Variants in NCAM2 observed in about 807,000 individuals in gnomAD.
The protein encoded by NCAM2 is neural cell adhesion molecule 2.
NCAM2 carries 30 observed loss-of-function variants against 98.1 expected under a neutral mutation model. That is an observed-to-expected ratio of 0.31 (90% CI 0.23 to 0.41). The LOEUF is 0.41. NCAM2 is among the 10% of genes least tolerant of loss of function. The probability of loss-of-function intolerance (pLI) is 1.00; values close to 1 mark genes in which losing one functional copy is unlikely to be tolerated. For missense variants in NCAM2, 867 were observed against 1,005.8 expected (o/e 0.86, Z 1.87); for synonymous variants, 368 against 342.4 (o/e 1.07, Z -0.83).
chr21:21,516,594 G>GT (rs1267101326), intron 16 of NCAM2, among the ~76,000 whole-genome samples: 1 of 151,816 alleles, frequency 6.6e-6, no homozygotes, highest in Non-Finnish European at 1.5e-5. Flanking sequence ...GTATACCAGT[G>GT]TTTTTTTCTC....
intron 9 of NCAM2, among the ~76,000 whole-genome samples, chr21:21,401,959 T>G (rs1265668818): frequency 3.9e-5 from 6 of 152,188 alleles, no homozygotes; most frequent in Non-Finnish European, 8.8e-5. Flanking sequence ...TAATTTCTTA[T>G]GCCTGTCTTA....
intron 1 of NCAM2, among the ~76,000 whole-genome samples, chr21:21,271,264 T>G (rs2072486916): frequency 6.6e-6 from 1 of 152,212 alleles, no homozygotes; most frequent in South Asian, 2.1e-4. Context: ...TTAGCATGTA[T>G]TTTCTTCCAG....
At chr21:21,513,964 A>C (rs1278885770) in intron 16 of NCAM2, among the ~76,000 whole-genome samples, 1 of 151,914 alleles carries the variant, frequency 6.6e-6, no homozygotes, top group African/African-American at 2.4e-5. Flanking sequence ...ATCTATTTTT[A>C]CAGTCCTTAT....
chr21:21,509,213 G>C (rs1287109230), intron 16 of NCAM2, among the ~76,000 whole-genome samples, 158 bp downstream of exon 16: 2 of 152,032 alleles, frequency 1.3e-5, no homozygotes, highest in Non-Finnish European at 2.9e-5. Flanking sequence ...TTGAAACTAT[G>C]TATCCTTATA....
intron 16 of NCAM2, among the ~76,000 whole-genome samples, chr21:21,514,483 A>AGC (rs1988596261): frequency 9.4e-6 from 1 of 105,884 alleles, no homozygotes; most frequent in African/African-American, 4.3e-5. Flanking sequence ...AAAAAAAAAA[A>AGC]AAAAAAAAAA....
intron 8 of NCAM2, among the ~76,000 whole-genome samples, chr21:21,345,476 A>G (rs1247102754): frequency 6.6e-6 from 1 of 152,146 alleles, no homozygotes; most frequent in East Asian, 1.9e-4. Flanking sequence ...TGAAAAATGC[A>G]GCAGGCATAT....
chr21:21,198,933 G>T (rs1246909899), intron 1 of NCAM2, among the ~76,000 whole-genome samples: 1 of 152,118 alleles, frequency 6.6e-6, no homozygotes, highest in African/African-American at 2.4e-5. Context: ...ATGTATCTGG[G>T]TGGCAAATTC....
chr21:21,502,087 G>GT (rs1413302690), intron 15 of NCAM2, among the ~76,000 whole-genome samples: 2 of 151,832 alleles, frequency 1.3e-5, no homozygotes, highest in African/African-American at 4.8e-5. Flanking sequence ...ACTATATTAA[G>GT]TAAATTTAAT....
chr21:21,532,657 A>G (rs1032053958), intron 16 of NCAM2, among the ~76,000 whole-genome samples: 10 of 152,266 alleles, frequency 6.6e-5, no homozygotes, highest in South Asian at 2.1e-4. Flanking sequence ...TGTTTGAATC[A>G]TTTTCTTGCT....
chr21:21,267,960 G>A (rs1212720493), intron 1 of NCAM2, among the ~76,000 whole-genome samples: 3 of 152,060 alleles, frequency 2.0e-5, no homozygotes, highest in Non-Finnish European at 4.4e-5. Context: ...CATGAGAAGG[G>A]AAAATGTGCT....
chr21:21,432,364 C>A, intron 12 of NCAM2, 83 bp downstream of exon 12: 1 of 1,244,038 alleles, frequency 8.0e-7, no homozygotes, highest in Non-Finnish European at 1.1e-6. Flanking sequence ...CGGTTTCCTC[C>A]AACATTTTCT....
At chr21:21,065,600 G>A (rs1311801305) in intron 1 of NCAM2, among the ~76,000 whole-genome samples, 2 of 152,028 alleles carry the variant, frequency 1.3e-5, no homozygotes, top group African/African-American at 2.4e-5. Flanking sequence ...ATGACGCCTT[G>A]AAAAATTATT....
At chr21:21,461,396 G>T (rs9985113) in intron 12 of NCAM2, among the ~76,000 whole-genome samples, 2 of 151,404 alleles carry the variant, frequency 1.3e-5, no homozygotes, top group African/African-American at 4.8e-5. Context: ...AACTCCAATT[G>T]TTAAATTGTT....
intron 12 of NCAM2, among the ~76,000 whole-genome samples, chr21:21,437,578 C>A (rs7278024): frequency 0.18 from 27,498 of 151,282 alleles, 2,740 homozygotes; most frequent in African/African-American, 0.27. Flanking sequence ...TTCATCTCCC[C>A]ATTTTGAATC....
At chr21:21,297,608 C>A (rs2073534288) in intron 5 of NCAM2, among the ~76,000 whole-genome samples, 1 of 151,482 alleles carries the variant, frequency 6.6e-6, no homozygotes, top group Non-Finnish European at 1.5e-5. Flanking sequence ...ACAAACATGC[C>A]CACTTACACA....
chr21:21,009,430 C>T (rs1036850699), intron 1 of NCAM2, among the ~76,000 whole-genome samples: 1 of 151,880 alleles, frequency 6.6e-6, no homozygotes, highest in Admixed American at 6.6e-5. Flanking sequence ...TATGTCCTCA[C>T]TGAAAATTAA....
chr21:21,219,066 C>A (rs972780151), intron 1 of NCAM2, among the ~76,000 whole-genome samples: 1 of 152,230 alleles, frequency 6.6e-6, no homozygotes, highest in Non-Finnish European at 1.5e-5. Context: ...GCTTGCCCAA[C>A]CCATGGCCCA....
intron 9 of NCAM2, among the ~76,000 whole-genome samples, chr21:21,388,752 C>T (rs1162391496): frequency 2.6e-5 from 4 of 152,156 alleles, no homozygotes; most frequent in Admixed American, 1.3e-4. Flanking sequence ...TCTGTTTATT[C>T]GGTTGTACAT....
intron 1 of NCAM2, among the ~76,000 whole-genome samples, chr21:21,262,658 C>CAAAAAAAAAAA (rs33912324): frequency 1.3e-4 from 10 of 78,948 alleles, no homozygotes; most frequent in South Asian, 6.3e-4. Context: ...AACAATCAGT[C>CAAAAAAAAAAA]AAAAAAAAAA....
Sources: gnomAD v4.1 joint callset for allele counts (sites outside exome capture counted in the v4.1 genomes callset) on GRCh38, gnomAD v4.1.1 for gene constraint, MANE v1.5 for transcripts, NCBI Gene and HGNC (gene_info 2026-07-23, HGNC 2026-07-21) for gene names.